SCUBE3: variants seen among roughly 807,000 people sequenced by gnomAD.
SCUBE3 encodes the protein signal peptide, CUB domain and EGF like domain containing 3.
A neutral mutation model predicts 116.8 loss-of-function variants in SCUBE3; 33 were observed. The ratio of observed to expected loss-of-function variants is 0.28; its 90% CI spans 0.21 to 0.38. SCUBE3 has a LOEUF of 0.38. SCUBE3 is among the 10% of genes least tolerant of loss of function. SCUBE3 has a pLI of 1.00. For synonymous variants in SCUBE3, 418 were observed against 496.9 expected (o/e 0.84, Z 2.11); for missense variants, 1,007 against 1,324.8 (o/e 0.76, Z 3.72).
chr6:35,218,162 C>CCGGTTTG, intron 1 of SCUBE3: 1 of 985,036 alleles, frequency 1.0e-6, no homozygotes, highest in South Asian at 4.7e-5. Flanking sequence ...GAGATGTGAG[C>CCGGTTTG]AGCTGGGACC....
rs544778284 is a variant in SCUBE3, at chr6:35,228,159, G to T, written c.209-455G>T. On this transcript the variant is annotated intron_variant, in intron 2 of 21. Coordinates refer to ENST00000274938, the MANE Select transcript of SCUBE3 (RefSeq NM_152753.4). The surrounding 1 kb of genome is among the most constrained non-coding windows in gnomAD (Gnocchi z 4.9). ...TAAATTTATGAGCTTCAGTGTTGGTGAGACTTTAGTGGACAGGGTACACTT... is the reference window on the plus strand; with the variant it reads ...TAAATTTATGAGCTTCAGTGTTGGTTAGACTTTAGTGGACAGGGTACACTT... Among the ~76,000 whole-genome samples the T allele has an allele frequency of 6.6e-6, 1 of 152,224 alleles. No individual in the cohort carries two copies. The highest frequency in any genetic ancestry group is 2.4e-5 in the African/African-American group (1 of 41,458).
In SCUBE3 at chr6:35,244,833, G is replaced by A. The variant is rs201729410; in HGVS notation, c.2401+22G>A. ...AAGAGTACGTGGCAAGCCAGGCTGT[G>A]CAAAAGGGAGGAGAGAGGCCTGGGA... On this transcript the variant is annotated intron_variant, in intron 18 of 21. Coordinates refer to ENST00000274938, the MANE Select transcript of SCUBE3 (RefSeq NM_152753.4). This position sits in a 1 kb window ranked among gnomAD's most constrained non-coding sequence, Gnocchi z 4.3. 2.3e-4 allele frequency: 365 copies of A among 1,612,526 alleles called. No individual in the cohort carries two copies. Among genetic ancestry groups the A allele is most frequent in the Non-Finnish European group, 2.9e-4 (345 of 1,178,670 alleles).
At chr6:35,234,331 T>C (rs573151781) in intron 6 of SCUBE3, among the ~76,000 whole-genome samples, 8 of 152,246 alleles carry the variant, frequency 5.3e-5, no homozygotes, top group Admixed American at 1.3e-4. Flanking sequence ...GTGTATGAAG[T>C]TATGTATATC....
At position 35,231,641 on chromosome 6, in the gene SCUBE3, G is replaced by A. The variant is rs751719169; in HGVS notation, c.335-84G>A. 66 of 1,276,450 alleles carry A rather than the reference G, an allele frequency of 5.2e-5. No homozygotes were observed. The highest frequency in any genetic ancestry group is 6.6e-5 in the Non-Finnish European group (62 of 935,910). The allele number at this position is 1,276,450 out of a possible 1,614,324, so 79.1% of individuals were successfully genotyped here. On this transcript the variant is annotated intron_variant, in intron 3 of 21. Transcript: ENST00000274938. The surrounding 1 kb of genome is among the most constrained non-coding windows in gnomAD (Gnocchi z 4.2). ...GGGCTTAGGGGGTAGTAGTTCTTAA[G>A]ACTGCCTTTGGTGCTGAAGTCTTGG... is the stretch of plus-strand genomic sequence containing the variant.
rs1784222027 is a variant in SCUBE3 at position 35,244,135 on chromosome 6, G to A, written c.2239+5G>A. ...TCCAAGACTGTGACACCAAAGGTGA[G>A]TAAGCTACTCACCTCCCTGGGGGAT... On this transcript the variant is annotated splice_donor_5th_base_variant and intron_variant, in intron 17 of 21. Transcript: ENST00000274938. This position sits in a 1 kb window ranked among gnomAD's most constrained non-coding sequence, Gnocchi z 4.3. 6.2e-7 allele frequency: 1 copy of A among 1,612,264 alleles called. No individual in the cohort carries two copies. The highest frequency in any genetic ancestry group is 8.5e-7 in the Non-Finnish European group (1 of 1,178,968).
chr6:35,241,062 G>A lies in SCUBE3; in HGVS notation c.1070-79G>A. The A allele has an allele frequency of 7.2e-7, 1 of 1,396,552 alleles. No individual in the cohort carries two copies. The highest frequency in any genetic ancestry group is 9.8e-7 in the Non-Finnish European group (1 of 1,015,952). 86.5% of individuals were successfully genotyped at this position (1,396,552 alleles called of 1,614,324 possible). ...CAGGGTACCTGAAACTCTAACCAAAGGCCCTCACTCACTGCCTACTCTCCG... is the reference window on the plus strand; with the variant it reads ...CAGGGTACCTGAAACTCTAACCAAAAGCCCTCACTCACTGCCTACTCTCCG... On this transcript the variant is annotated intron_variant, in intron 9 of 21. Transcript: ENST00000274938. The surrounding 1 kb of genome is among the most constrained non-coding windows in gnomAD (Gnocchi z 4.1).
chr6:35,249,830 T>C lies in SCUBE3; in HGVS notation c.*1125T>C, dbSNP rs1354203144. ...GGCTGTGGGCAGCAAAAGGAATGTG[T>C]GTGCACTTGGCGAGCCTCCTGCCCA... On this transcript the variant is annotated 3_prime_UTR_variant, in exon 22 of 22. Transcript: ENST00000274938. The C allele has an allele frequency of 6.5e-6, 1 of 152,706 alleles. No homozygotes were observed. The highest frequency in any genetic ancestry group is 1.5e-5 in the Non-Finnish European group (1 of 68,058). The allele number at this position is 152,706 out of a possible 1,614,324, so 9.5% of individuals were successfully genotyped here.
chr6:35,241,842 C>G lies in SCUBE3; in HGVS notation c.1349C>G (p.Pro450Arg), dbSNP rs201522473. The change falls in exon 12 of 22, where the codon CCC (proline) becomes CGC (arginine). Residue 450 changes from proline to arginine, a missense_variant. By Grantham distance (103) the Pro-to-Arg change is moderately radical. This residue lies in a region of SCUBE3 where 544 missense variants were observed against 638.9 expected (regional missense o/e 0.85). Coordinates refer to ENST00000274938, the MANE Select transcript of SCUBE3 (RefSeq NM_152753.4). This position sits in a 1 kb window ranked among gnomAD's most constrained non-coding sequence, Gnocchi z 4.1. ...GGCTTCACGGTGAGCTGTGGGACCCCCAGCCCCAGGGCTGCTCCAGCCCGA... is the reference window on the plus strand; with the variant it reads ...GGCTTCACGGTGAGCTGTGGGACCCGCAGCCCCAGGGCTGCTCCAGCCCGA... ...ENGFTVSCGT[P>R]SPRAAPARAG... 1.2e-6 allele frequency: 2 copies of G among 1,613,190 alleles called. No individual in the cohort carries two copies. Among genetic ancestry groups the G allele is most frequent in the East Asian group, 4.5e-5 (2 of 44,886 alleles).
intron 1 of SCUBE3, among the ~76,000 whole-genome samples, chr6:35,217,551 G>C (rs980083713): frequency 6.6e-6 from 1 of 151,792 alleles, no homozygotes; most frequent in Non-Finnish European, 1.5e-5. Context: ...GTCTCTGTCT[G>C]GGTGTATGTG....
chr6:35,247,110 T>G (rs936629129), intron 21 of SCUBE3, among the ~76,000 whole-genome samples: 9 of 152,098 alleles, frequency 5.9e-5, no homozygotes, highest in African/African-American at 2.2e-4. Flanking sequence ...CCTGGGTCGG[T>G]GAATCCCAAT....
At position 35,217,225 on chromosome 6, in the gene SCUBE3, G is replaced by C. The variant is rs1261542923; in HGVS notation, c.85+2722G>C. ...TGGTAAGGGGGTGGGTGTTTGGCGG[G>C]GGGGGGGGGGGCGGGGGGGAGGCGC... On this transcript the variant is annotated intron_variant, in intron 1 of 21. Transcript: ENST00000274938. Among the ~76,000 whole-genome samples the C allele has an allele frequency of 1.6e-4, 2 of 12,618 alleles. 1 individual carries two copies. The highest frequency in any genetic ancestry group is 3.6e-4 in the African/African-American group (2 of 5,572). The allele number at this position is 12,618 out of a possible 152,430, so 8.3% of individuals were successfully genotyped here. A position where few individuals can be genotyped will look rare whatever the true frequency, so the allele number is the denominator to read the frequency against.
rs1453232359 is a variant in SCUBE3 at position 35,214,242 on chromosome 6, C to T, written c.-177C>T. Among the ~76,000 whole-genome samples the T allele has an allele frequency of 6.6e-6, 1 of 152,136 alleles. No individual in the cohort carries two copies. Among genetic ancestry groups the T allele is most frequent in the East Asian group, 1.9e-4 (1 of 5,174 alleles). ...ACGTCCGGCCAGGAGGAGCCGGTAG[C>T]ATCGGGAGCCTCGCGCCGAGGGCGC... On this transcript the variant is annotated 5_prime_UTR_variant, in exon 1 of 22. Coordinates refer to ENST00000274938, the MANE Select transcript of SCUBE3 (RefSeq NM_152753.4). The surrounding 1 kb of genome is among the most constrained non-coding windows in gnomAD (Gnocchi z 6.3).
intron 3 of SCUBE3, among the ~76,000 whole-genome samples, chr6:35,229,511 T>C (rs201297825): frequency 1.8e-4 from 28 of 152,270 alleles, no homozygotes; most frequent in Non-Finnish European, 2.9e-4. Context: ...TAGCACATGG[T>C]AGGAGCTCAG....
chr6:35,219,245 C>T lies in SCUBE3; in HGVS notation c.85+4742C>T, dbSNP rs1029504973. 6.6e-6 allele frequency among the ~76,000 whole-genome samples: 1 copy of T among 152,198 alleles called. No homozygotes were observed. The highest frequency in any genetic ancestry group is 1.5e-5 in the Non-Finnish European group (1 of 68,032). On this transcript the variant is annotated intron_variant, in intron 1 of 21. Coordinates refer to ENST00000274938, the MANE Select transcript of SCUBE3 (RefSeq NM_152753.4). This position sits in a 1 kb window ranked among gnomAD's most constrained non-coding sequence, Gnocchi z 4.7. ...CATGTGTGTTTCTATATGTGTGTAT[C>T]CAACAAAGTTGGGAAGTGGAGCTGA...
rs576123893 is a variant in SCUBE3 at position 35,229,668 on chromosome 6, G to C, written c.334+929G>C. On this transcript the variant is annotated intron_variant, in intron 3 of 21. Coordinates refer to ENST00000274938, the MANE Select transcript of SCUBE3 (RefSeq NM_152753.4). ...ACTGATCTCCTTTGTCCCAGGAGCT[G>C]GATCAGAGATAAGAGAATCTCTAAG... Among the ~76,000 whole-genome samples, 6 of 152,264 alleles carry C rather than the reference G, an allele frequency of 3.9e-5. No individual in the cohort carries two copies. In the East Asian group the frequency reaches 1.2e-3, roughly 29 times the overall value.
chr6:35,241,793 C>A lies in SCUBE3; in HGVS notation c.1313-13C>A. ...GAAGGCAGGTCAGAACTGTGACAGG[C>A]TCCTTTTCTCAGAGTCTGAGAATGG... On this transcript the variant is annotated splice_polypyrimidine_tract_variant and intron_variant, in intron 11 of 21. Transcript: ENST00000274938. The surrounding 1 kb of genome is among the most constrained non-coding windows in gnomAD (Gnocchi z 4.1). 1.2e-6 allele frequency: 2 copies of A among 1,602,992 alleles called. No individual in the cohort carries two copies. The highest frequency in any genetic ancestry group is 1.7e-6 in the Non-Finnish European group (2 of 1,170,006).
intron 1 of SCUBE3, 63 bp from the exon 2 acceptor site, chr6:35,227,517 C>A: frequency 1.9e-6 from 3 of 1,597,234 alleles, no homozygotes; most frequent in Non-Finnish European, 2.6e-6. Flanking sequence ...GGAAGCCCAC[C>A]TTCAAGACAC....
chr6:35,230,359 G>A (rs1783493791), intron 3 of SCUBE3, among the ~76,000 whole-genome samples: 1 of 152,214 alleles, frequency 6.6e-6, no homozygotes, highest in Non-Finnish European at 1.5e-5. Context: ...CAACCAGAGG[G>A]ACAAGAGAAT....
intron 1 of SCUBE3, among the ~76,000 whole-genome samples, chr6:35,225,042 TTTAAA>T (rs1381858146): frequency 2.6e-5 from 4 of 152,168 alleles, no homozygotes; most frequent in Admixed American, 2.6e-4. Flanking sequence ...GGAAGTGAAT[TTTAAA>T]TTAAATAACC....
Sources: allele counts gnomAD v4.1 joint callset (sites outside exome capture counted in the v4.1 genomes callset), GRCh38; gene constraint gnomAD v4.1.1; regional missense constraint gnomAD v4.1.1; non-coding constraint Gnocchi (gnomAD v3.1); transcripts MANE v1.5; gene names NCBI Gene and HGNC (gene_info 2026-07-23, HGNC 2026-07-21).